The following WDPCP variants were observed in gnomAD, a reference collection of about 807,000 sequenced individuals.
The protein encoded by WDPCP is WD repeat-containing and planar cell polarity effector protein fritz homolog.
WDPCP carries 71 observed loss-of-function variants against 93.1 expected under a neutral mutation model. That is an observed-to-expected ratio of 0.76 (90% confidence interval 0.63 to 0.93). The LOEUF is 0.93. WDPCP is among the 40% of genes least tolerant of loss of function. The pLI is 0.00. For synonymous variants in WDPCP, 315 were observed against 315.0 expected, an observed-to-expected ratio of 1.00 and a Z score of 0.00; for missense variants, 844 against 887.4, an observed-to-expected ratio of 0.95 and a Z score of 0.62.
In WDPCP at chr2:63,330,425, G is replaced by T. The variant is rs187856730; in HGVS notation, c.1749-17114C>A. On this transcript the variant is annotated intron_variant, in intron 12 of 17. Transcript: ENST00000272321. ...AGTTCCCTTGCCCAGTTTAAAATTT[G>T]GTTGTTTATTTGCTATGGAGTTGTA... Among the ~76,000 whole-genome samples the T allele has an allele frequency of 7.2e-5, 11 of 152,166 alleles. No homozygotes were observed. In the South Asian group the frequency reaches 1.0e-3, roughly 14 times the overall value.
chr2:63,453,654 T>C (rs941601311), intron 6 of WDPCP, among the ~76,000 whole-genome samples: 1 of 152,144 alleles, frequency 6.6e-6, no homozygotes, highest in Non-Finnish European at 1.5e-5. Context: ...CGTATGTTTA[T>C]TGTGGCATTA....
Position 63,487,563 on chromosome 2 carries a change from C to A in WDPCP, c.161-69G>T, listed in dbSNP as rs1475646202. ...CCAGAGAATAAGAAGCCAAGCCATA[C>A]TATATTAGGGGAAGGATAGGGAGAA... On this transcript the variant is annotated intron_variant, in intron 2 of 17. Transcript: ENST00000272321. 11 of 1,161,700 alleles carry A rather than the reference C, an allele frequency of 9.5e-6. No homozygotes were observed. In the Admixed American group the frequency reaches 1.1e-4, roughly 11 times the overall value. The allele number at this position is 1,161,700 out of a possible 1,614,324, so 72.0% of individuals were successfully genotyped here. A position where few individuals can be genotyped will look rare whatever the true frequency, so the allele number is the denominator to read the frequency against.
chr2:63,676,253 C>A (rs1420414564), intron 2 of WDPCP, among the ~76,000 whole-genome samples: 2 of 152,312 alleles, frequency 1.3e-5, no homozygotes, highest in Non-Finnish European at 2.9e-5. Flanking sequence ...GTCTCCATTT[C>A]TTTCAAGGCA....
chr2:63,509,459 T>C (rs1162974669), intron 1 of WDPCP, among the ~76,000 whole-genome samples: 4 of 152,146 alleles, frequency 2.6e-5, no homozygotes, highest in Non-Finnish European at 4.4e-5. Flanking sequence ...TTTATAGCAC[T>C]ACATGCCCAC....
At chr2:63,664,804 A>C (rs1390547202) in intron 2 of WDPCP, among the ~76,000 whole-genome samples, 1 of 152,208 alleles carries the variant, frequency 6.6e-6, no homozygotes, top group Non-Finnish European at 1.5e-5. Flanking sequence ...ATATATAATA[A>C]TTTACTTCTT....
intron 2 of WDPCP, among the ~76,000 whole-genome samples, chr2:63,806,204 C>T (rs944586553): frequency 2.6e-5 from 4 of 152,110 alleles, no homozygotes; most frequent in African/African-American, 4.8e-5. Context: ...TTTTCCTAAG[C>T]GTCGGCCAGC....
chr2:63,139,076 T>C (rs992330971), intron 17 of WDPCP, among the ~76,000 whole-genome samples: 1 of 152,204 alleles, frequency 6.6e-6, no homozygotes, highest in Non-Finnish European at 1.5e-5. Flanking sequence ...TATGTATGTA[T>C]GTGTGTGTAT....
chr2:63,120,999 T>C lies in WDPCP; in HGVS notation c.*1007A>G, dbSNP rs1459636492. Among the ~76,000 whole-genome samples, 1 of 152,158 alleles carries C rather than the reference T, an allele frequency of 6.6e-6. No individual in the cohort carries two copies. The highest frequency in any genetic ancestry group is 1.5e-5 in the Non-Finnish European group (1 of 68,026). Reference sequence around the variant, plus strand: ...AGACTCCTGAGTCAGAGACAAATGATAGTAACCAGGGTATCGGCATTTTTT... The same window carrying C: ...AGACTCCTGAGTCAGAGACAAATGACAGTAACCAGGGTATCGGCATTTTTT... On this transcript the variant is annotated 3_prime_UTR_variant, in exon 18 of 18. Coordinates refer to ENST00000272321, the MANE Select transcript of WDPCP (RefSeq NM_015910.7).
At chr2:63,743,011 C>A (rs772329070) in intron 2 of WDPCP, among the ~76,000 whole-genome samples, 6 of 151,896 alleles carry the variant, frequency 4.0e-5, no homozygotes, top group Admixed American at 6.6e-5. Flanking sequence ...ATGTTTACAT[C>A]TTTTTAATCC....
chr2:63,643,489 C>G, intron 3 of WDPCP: 1 of 366,600 alleles, frequency 2.7e-6, no homozygotes, highest in Non-Finnish European at 5.4e-6. Context: ...CAGGTTAGCA[C>G]CCCTCAGTCA....
At chr2:63,282,119 C>A (rs760529283) in intron 13 of WDPCP, among the ~76,000 whole-genome samples, 1 of 151,944 alleles carries the variant, frequency 6.6e-6, no homozygotes, top group Non-Finnish European at 1.5e-5. Context: ...CTCTAAATAC[C>A]AAAGCAATGT....
intron 2 of WDPCP, among the ~76,000 whole-genome samples, chr2:63,728,185 T>C (rs1014702083): frequency 1.3e-5 from 2 of 152,234 alleles, no homozygotes; most frequent in African/African-American, 4.8e-5. Flanking sequence ...AGGAAGATTG[T>C]TTAATACAAG....
intron 2 of WDPCP, among the ~76,000 whole-genome samples, chr2:63,691,948 A>G (rs1251809889): frequency 1.3e-5 from 2 of 150,212 alleles, no homozygotes; most frequent in African/African-American, 4.9e-5. Context: ...GAAGTTTACA[A>G]ATATTTACTG....
intron 1 of WDPCP, among the ~76,000 whole-genome samples, chr2:63,554,220 T>C (rs1705897986): frequency 6.6e-6 from 1 of 152,244 alleles, no homozygotes. Flanking sequence ...TTTCTTCGCT[T>C]TGAATTTTTC....
At chr2:63,622,066 CTTT>C (rs33925505) in intron 3 of WDPCP, 17,243 of 523,196 alleles carry the variant, frequency 0.033, 2 homozygotes, top group Middle Eastern at 0.055. Context: ...TTTCTTTTTT[CTTT>C]TTTTTTTTTT....
At chr2:63,611,472 C>A (rs1310072218) in intron 3 of WDPCP, among the ~76,000 whole-genome samples, 1 of 151,980 alleles carries the variant, frequency 6.6e-6, no homozygotes, top group East Asian at 1.9e-4. Context: ...ATTAAACCAG[C>A]CACAATATTT....
At chr2:63,457,261 C>A (rs569161706) in intron 6 of WDPCP, among the ~76,000 whole-genome samples, 2 of 151,996 alleles carry the variant, frequency 1.3e-5, no homozygotes, top group African/African-American at 4.8e-5. Flanking sequence ...GCATACAACC[C>A]ACCAAGACTG....
intron 17 of WDPCP, among the ~76,000 whole-genome samples, chr2:63,140,535 G>A (rs1257510375): frequency 6.8e-6 from 1 of 146,172 alleles, no homozygotes; most frequent in African/African-American, 2.6e-5. Context: ...CAACTCCTTG[G>A]TTAGGTATAT....
Position 63,338,686 on chromosome 2 carries a change from T to C in WDPCP, c.1749-25375A>G, listed in dbSNP as rs933068598. Among the ~76,000 whole-genome samples the C allele has an allele frequency of 3.4e-5, 5 of 149,188 alleles. No homozygotes were observed. The East Asian group carries it at 9.7e-4, about 29-fold the overall frequency. The stretch of plus-strand genomic sequence containing the variant: ...GTGTCTGTATCGCAAATGACTTGTC[T>C]ATAAAAGTGTGAATTTATATCAGGG... On this transcript the variant is annotated intron_variant, in intron 12 of 17. Coordinates refer to ENST00000272321, the MANE Select transcript of WDPCP (RefSeq NM_015910.7).
Sources: allele counts gnomAD v4.1 joint callset (sites outside exome capture counted in the v4.1 genomes callset), GRCh38; gene constraint gnomAD v4.1.1; transcripts MANE v1.5; gene names NCBI Gene and HGNC (gene_info 2026-07-23, HGNC 2026-07-21).